The following FAM220A variants were observed in gnomAD, a reference collection of about 807,000 sequenced individuals.
The protein encoded by FAM220A is protein FAM220A.
For missense variants in FAM220A, 392 were observed against 321.6 expected (o/e 1.22, Z -1.68); for synonymous variants, 141 against 130.7 (o/e 1.08, Z -0.54).
intron 1 of FAM220A, 42 bp from the exon 2 acceptor site, chr7:6,331,277 A>C: frequency 1.0e-6 from 1 of 976,030 alleles, no homozygotes; most frequent in South Asian, 1.7e-5. Flanking sequence ...ATGAAGACAC[A>C]TGGGTCTTAA....
chr7:6,344,969 G>A (rs1781928828), intron 1 of FAM220A, among the ~76,000 whole-genome samples: 1 of 152,056 alleles, frequency 6.6e-6, no homozygotes, highest in African/African-American at 2.4e-5. Flanking sequence ...TCAAACTCCT[G>A]ACCTCAGGTG....
chr7:6,331,051 G>A lies in FAM220A; in HGVS notation c.104C>T (p.Pro35Leu), dbSNP rs751104962. The A allele has an allele frequency of 7.7e-5, 124 of 1,613,698 alleles. 3 individuals carry two copies. The South Asian group carries it at 1.0e-3, about 13-fold the overall frequency. ...TGCATCTGCAGGCCAAGGGCCCTCC[G>A]GCATTCTTTTCTTAAGGCTGCATGA... ...KLSCSLKKRMPEGPWPADAPS... is the reference protein window; with the variant it reads ...KLSCSLKKRMLEGPWPADAPS... The change falls in exon 2 of 2, where the codon CCG becomes CTG. Residue 35 changes from proline to leucine, a missense_variant. By Grantham distance (98) the Pro-to-Leu change is moderately conservative. Coordinates refer to ENST00000313324, the MANE Select transcript of FAM220A (RefSeq NM_001037163.2).
chr7:6,338,035 C>T (rs1356550133), intron 1 of FAM220A, among the ~76,000 whole-genome samples: 2 of 152,070 alleles, frequency 1.3e-5, no homozygotes, highest in African/African-American at 4.8e-5. Context: ...AACTCCTGAC[C>T]TCAGGTGATC....
At chr7:6,344,889 A>T (rs962698960) in intron 1 of FAM220A, among the ~76,000 whole-genome samples, 1 of 151,330 alleles carries the variant, frequency 6.6e-6, no homozygotes, top group Non-Finnish European at 1.5e-5. Flanking sequence ...TGACAGGCGC[A>T]TGCCGCCATG....
Position 6,330,222 on chromosome 7 carries a change from G to T in FAM220A, c.*153C>A. ...AGTTCCTTCCGCATCAACTGGCTTT[G>T]AATTTAAACTCAATTTACTTTAAGT... On this transcript the variant is annotated 3_prime_UTR_variant, in exon 2 of 2. Transcript: ENST00000313324. The T allele has an allele frequency of 1.3e-6, 1 of 762,080 alleles. No individual in the cohort carries two copies. The highest frequency in any genetic ancestry group is 2.1e-6 in the Non-Finnish European group (1 of 477,986). 47.2% of individuals were successfully genotyped at this position (762,080 alleles called of 1,614,324 possible). A position where few individuals can be genotyped will look rare whatever the true frequency, so the allele number is the denominator to read the frequency against.
chr7:6,337,929 A>G (rs1045457026), intron 1 of FAM220A, among the ~76,000 whole-genome samples: 1 of 151,404 alleles, frequency 6.6e-6, no homozygotes, highest in Non-Finnish European at 1.5e-5. Flanking sequence ...TCACCCTCCC[A>G]AGTAGCTGGT....
chr7:6,335,057 G>A (rs767397016), intron 1 of FAM220A, among the ~76,000 whole-genome samples: 13 of 151,622 alleles, frequency 8.6e-5, no homozygotes, highest in Non-Finnish European at 1.2e-4. Flanking sequence ...GTGAGCCACC[G>A]CACCCAGCCA....
intron 1 of FAM220A, among the ~76,000 whole-genome samples, chr7:6,332,136 A>G (rs1471089604): frequency 1.3e-5 from 2 of 151,622 alleles, no homozygotes; most frequent in Non-Finnish European, 2.9e-5. Flanking sequence ...AAAAATTGCG[A>G]AAAGGCTTTG....
chr7:6,340,098 T>G (rs1267114204), intron 1 of FAM220A, among the ~76,000 whole-genome samples: 2 of 152,042 alleles, frequency 1.3e-5, no homozygotes, highest in Non-Finnish European at 2.9e-5. Context: ...TTGACCAGGC[T>G]GGTCTCAAAC....
intron 1 of FAM220A, among the ~76,000 whole-genome samples, chr7:6,332,396 C>T (rs1406720948): frequency 2.0e-5 from 3 of 152,142 alleles, no homozygotes; most frequent in Non-Finnish European, 4.4e-5. Flanking sequence ...AGCTTTGCAT[C>T]TATCTGTAAA....
chr7:6,337,417 C>CAT (rs1781769354), intron 1 of FAM220A, among the ~76,000 whole-genome samples: 2 of 151,554 alleles, frequency 1.3e-5, no homozygotes, highest in Admixed American at 6.6e-5. Flanking sequence ...CCACTGCGCC[C>CAT]GCCCAGTATT....
intron 1 of FAM220A, among the ~76,000 whole-genome samples, chr7:6,346,065 A>G (rs1307890190): frequency 1.3e-5 from 2 of 152,076 alleles, no homozygotes; most frequent in Non-Finnish European, 2.9e-5. Flanking sequence ...CACCATGCCC[A>G]GCCAAAGTTT....
chr7:6,330,581 G>T lies in FAM220A; in HGVS notation c.574C>A (p.Leu192Met), dbSNP rs148176924. The T allele has an allele frequency of 5.0e-6, 8 of 1,614,054 alleles. No individual in the cohort carries two copies. The highest frequency in any genetic ancestry group is 6.8e-6 in the Non-Finnish European group (8 of 1,180,042). ...GGATACACGTGCAGCGTTGCAGACA[G>T]GATGGAGTGCAGGCAAGCGGGTTCC... is the stretch of plus-strand genomic sequence containing the variant. ...ELEPACLHSILSATLHVYPEV... is the reference protein window; with the variant it reads ...ELEPACLHSIMSATLHVYPEV... Residue 192 changes from leucine to methionine, a missense_variant, in exon 2 of 2, where the codon CTG becomes ATG. Leu to Met is a conservative substitution (Grantham distance 15). Coordinates refer to ENST00000313324, the MANE Select transcript of FAM220A (RefSeq NM_001037163.2).
intron 1 of FAM220A, among the ~76,000 whole-genome samples, chr7:6,340,227 A>G (rs1374945000): frequency 6.6e-6 from 1 of 152,180 alleles, no homozygotes; most frequent in Non-Finnish European, 1.5e-5. Context: ...AGAAGCAGCC[A>G]GAATCTTCTC....
intron 1 of FAM220A, 28 bp downstream of exon 1, chr7:6,348,545 G>C: frequency 4.7e-6 from 2 of 421,814 alleles, no homozygotes; most frequent in South Asian, 6.6e-5. Context: ...GGGGAGGGCC[G>C]GGGGCCGGGC....
intron 1 of FAM220A, among the ~76,000 whole-genome samples, chr7:6,337,377 C>T (rs1228654563): frequency 1.3e-5 from 2 of 152,208 alleles, no homozygotes; most frequent in Admixed American, 6.5e-5. Context: ...CCGCCTCAGC[C>T]TCCCAAAGTG....
intron 1 of FAM220A, among the ~76,000 whole-genome samples, chr7:6,341,532 T>A (rs1026765062): frequency 3.3e-5 from 5 of 149,728 alleles, no homozygotes; most frequent in Admixed American, 2.7e-4. Flanking sequence ...AAAAAAAATT[T>A]TTTTTAAATT....
chr7:6,333,168 C>CAAAAAAAAAAAA (rs111863837), intron 1 of FAM220A, among the ~76,000 whole-genome samples: 4 of 127,984 alleles, frequency 3.1e-5, no homozygotes, highest in Admixed American at 7.7e-5. Context: ...ATAAAAAAAT[C>CAAAAAAAAAAAA]AAAAAAAAAA....
rs1781599818 is a variant in FAM220A at position 6,330,201 on chromosome 7, C to G, written c.*174G>C. 1 of 654,202 alleles carries G rather than the reference C, an allele frequency of 1.5e-6. No homozygotes were observed. The highest frequency in any genetic ancestry group is 2.1e-5 in the South Asian group (1 of 47,284). 40.5% of individuals were successfully genotyped at this position (654,202 alleles called of 1,614,324 possible). On this transcript the variant is annotated 3_prime_UTR_variant, in exon 2 of 2. Transcript: ENST00000313324. Reference sequence around the variant, plus strand: ...CAATTTAACACATGCCAAAAAAGTTCCTTCCGCATCAACTGGCTTTGAATT... The same window carrying G: ...CAATTTAACACATGCCAAAAAAGTTGCTTCCGCATCAACTGGCTTTGAATT...
Sources: allele counts gnomAD v4.1 joint callset (sites outside exome capture counted in the v4.1 genomes callset), GRCh38; gene constraint gnomAD v4.1.1; transcripts MANE v1.5; gene names NCBI Gene and HGNC (gene_info 2026-07-23, HGNC 2026-07-21).